CFAP61: variants seen among roughly 807,000 people sequenced by gnomAD.
The protein encoded by CFAP61 is cilia and flagella associated protein 61, also known as cilia- and flagella-associated protein 61.
In CFAP61, 107 loss-of-function variants were observed where a neutral mutation model predicts 135.6. That is an observed-to-expected ratio of 0.79 (90% confidence interval 0.67 to 0.93). The LOEUF (loss-of-function observed/expected upper bound fraction) is 0.93. CFAP61 is among the 40% of genes least tolerant of loss of function. The pLI is 0.00. For missense variants in CFAP61, 1,507 were observed against 1,556.2 expected (o/e 0.97, Z 0.53); for synonymous variants, 575 against 578.5 (o/e 0.99, Z 0.09).
At chr20:20,328,543 C>T (rs190027373) in intron 25 of CFAP61, among the ~76,000 whole-genome samples, 4 of 152,066 alleles carry the variant, frequency 2.6e-5, no homozygotes, top group Admixed American at 2.6e-4. Context: ...AGTGGGTCTA[C>T]ATCAAACTAA....
At chr20:20,277,683 A>C (rs2053878608) in intron 22 of CFAP61, among the ~76,000 whole-genome samples, 1 of 152,108 alleles carries the variant, frequency 6.6e-6, no homozygotes, top group South Asian at 2.1e-4. Flanking sequence ...GTTTTTTATT[A>C]TTATTTTATT....
chr20:20,088,470 G>A (rs1002012469), intron 6 of CFAP61, among the ~76,000 whole-genome samples: 29 of 152,128 alleles, frequency 1.9e-4, no homozygotes, highest in Admixed American at 8.5e-4. Flanking sequence ...AATGAGAGCC[G>A]AGTGAAAGGG....
intron 19 of CFAP61, among the ~76,000 whole-genome samples, chr20:20,250,019 ATTTTC>A (rs775681170): frequency 2.1e-4 from 32 of 152,192 alleles, no homozygotes; most frequent in Middle Eastern, 3.4e-3. Context: ...CCAGTCCCCG[ATTTTC>A]TTTTCTTATT....
intron 3 of CFAP61, among the ~76,000 whole-genome samples, 198 bp downstream of exon 3, chr20:20,071,202 G>A (rs2045680782): frequency 6.6e-6 from 1 of 152,228 alleles, no homozygotes; most frequent in Non-Finnish European, 1.5e-5. Flanking sequence ...GAGTAGCCAA[G>A]TTGGCTAGCC....
rs530186293 is a variant in CFAP61 at position 20,359,680 on chromosome 20, A to AAAC, written c.3514-515_3514-513dup. On this transcript the variant is annotated intron_variant, in intron 26 of 26. Transcript: ENST00000245957. The surrounding 1 kb of genome is among the most constrained non-coding windows in gnomAD (Gnocchi z 4.0). ...ATTCCGTCTCAAAAAGCAAAAAACA[A>AAAC]AACAACAACAACAACAAAACAAGTA... Among the ~76,000 whole-genome samples, 2 of 39,978 alleles carry AAAC rather than the reference A, an allele frequency of 5.0e-5. No individual in the cohort carries two copies. Among genetic ancestry groups the AAAC allele is most frequent in the Admixed American group, 2.9e-4 (1 of 3,436 alleles). The allele number at this position is 39,978 out of a possible 152,430, so 26.2% of individuals were successfully genotyped here.
chr20:20,187,671 T>G (rs570416693), intron 13 of CFAP61, among the ~76,000 whole-genome samples: 1 of 152,336 alleles, frequency 6.6e-6, no homozygotes, highest in South Asian at 2.1e-4. Flanking sequence ...TTAAATTAAA[T>G]GTATTTAAAG....
chr20:20,220,856 C>T (rs2048351788), intron 17 of CFAP61, among the ~76,000 whole-genome samples: 1 of 152,100 alleles, frequency 6.6e-6, no homozygotes, highest in African/African-American at 2.4e-5. Flanking sequence ...CATTTTATTC[C>T]AGTACAAGTA....
At chr20:20,166,321 T>C in intron 11 of CFAP61, 76 bp from the exon 12 acceptor site, 1 of 1,219,088 alleles carries the variant, frequency 8.2e-7, no homozygotes, top group Non-Finnish European at 1.2e-6. Flanking sequence ...GGGAGGGAGC[T>C]GTAAATCTCT....
chr20:20,109,720 T>G (rs938922405), intron 8 of CFAP61, among the ~76,000 whole-genome samples: 1 of 152,224 alleles, frequency 6.6e-6, no homozygotes, highest in Non-Finnish European at 1.5e-5. Flanking sequence ...CTTTGCTTTT[T>G]ACTCTGTCTT....
intron 8 of CFAP61, among the ~76,000 whole-genome samples, chr20:20,141,867 C>T (rs112428766): frequency 3.3e-5 from 5 of 152,292 alleles, no homozygotes; most frequent in African/African-American, 1.2e-4. Context: ...CTCACGGAGA[C>T]AGCAGCAGTC....
At chr20:20,198,438 T>C (rs1821337923) in intron 16 of CFAP61, among the ~76,000 whole-genome samples, 1 of 152,250 alleles carries the variant, frequency 6.6e-6, no homozygotes, top group Admixed American at 6.5e-5. Context: ...AAATTAGGAA[T>C]ATGTTCCACA....
Position 20,277,276 on chromosome 20 carries a change from T to C in CFAP61, c.2614T>C (p.Ser872Pro), listed in dbSNP as rs759634953. Residue 872 changes from serine to proline, a missense_variant, in exon 22 of 27, where the codon TCC becomes CCC. By Grantham distance (74) the Ser-to-Pro change is moderately conservative. Coordinates refer to ENST00000245957, the MANE Select transcript of CFAP61 (RefSeq NM_015585.4). ...RIHLVQPPPA[S>P]TITCINNYSV... ...CCACCTCGTGCAGCCCCCGCCCGCCTCCACCATCACCTGCATCAACAACTA... is the reference window on the plus strand; with the variant it reads ...CCACCTCGTGCAGCCCCCGCCCGCCCCCACCATCACCTGCATCAACAACTA... 6.2e-7 allele frequency: 1 copy of C among 1,614,078 alleles called. No homozygotes were observed. Among genetic ancestry groups the C allele is most frequent in the Non-Finnish European group, 8.5e-7 (1 of 1,180,004 alleles).
intron 8 of CFAP61, among the ~76,000 whole-genome samples, chr20:20,117,140 G>T (rs2049204849): frequency 6.6e-6 from 1 of 152,100 alleles, no homozygotes; most frequent in Non-Finnish European, 1.5e-5. Context: ...TGGATCACTT[G>T]AGTTCAGGAG....
chr20:20,236,752 T>A (rs770735275), intron 18 of CFAP61, among the ~76,000 whole-genome samples: 1 of 152,194 alleles, frequency 6.6e-6, no homozygotes, highest in Non-Finnish European at 1.5e-5. Flanking sequence ...CAACCAGAAG[T>A]GATCCCACTG....
intron 17 of CFAP61, among the ~76,000 whole-genome samples, chr20:20,203,961 G>A (rs1358100940): frequency 1.3e-5 from 2 of 152,128 alleles, no homozygotes; most frequent in South Asian, 2.1e-4. Flanking sequence ...TGAGAAAAAG[G>A]CACTGCTTCC....
intron 17 of CFAP61, among the ~76,000 whole-genome samples, chr20:20,203,678 G>T (rs1054726832): frequency 6.6e-6 from 1 of 152,128 alleles, no homozygotes; most frequent in Non-Finnish European, 1.5e-5. Flanking sequence ...TGGTTATATT[G>T]ATTAAAGACA....
chr20:20,288,787 G>A lies in CFAP61; in HGVS notation c.2975G>A (p.Trp992Ter), dbSNP rs1181939665. 1.2e-6 allele frequency: 2 copies of A among 1,614,166 alleles called. No individual in the cohort carries two copies. The highest frequency in any genetic ancestry group is 1.7e-6 in the Non-Finnish European group (2 of 1,180,022). The stretch of plus-strand genomic sequence containing the variant: ...TCCAATAGATACTACTCAAATGAGT[G>A]GACTCACAGCAACTTCAGTTCCAAA... ...KFSNRYYSNEWTHSNFSSKEI... is the reference protein window; with the variant it reads ...KFSNRYYSNE The change falls in exon 23 of 27, where the codon TGG becomes TAG. Residue 992 changes from tryptophan to a stop codon, truncating the protein, a stop_gained. Coordinates refer to ENST00000245957, the MANE Select transcript of CFAP61 (RefSeq NM_015585.4). LOFTEE classifies it high-confidence loss of function.
intron 25 of CFAP61, among the ~76,000 whole-genome samples, chr20:20,301,785 A>T (rs2056129857): frequency 6.6e-6 from 1 of 152,218 alleles, no homozygotes; most frequent in Non-Finnish European, 1.5e-5. Flanking sequence ...TTTTTAACCA[A>T]CTTTGAGGCT....
intron 9 of CFAP61, among the ~76,000 whole-genome samples, chr20:20,147,706 C>T (rs2052012016): frequency 6.6e-6 from 1 of 152,044 alleles, no homozygotes; most frequent in African/African-American, 2.4e-5. Flanking sequence ...GTTTACTTTG[C>T]TGATTATTTC....
Sources: gnomAD v4.1 joint callset for allele counts (sites outside exome capture counted in the v4.1 genomes callset) on GRCh38, gnomAD v4.1.1 for gene constraint, Gnocchi (gnomAD v3.1) non-coding constraint, MANE v1.5 for transcripts, NCBI Gene and HGNC (gene_info 2026-07-23, HGNC 2026-07-21) for gene names.